Variants in CADM2 observed in about 807,000 individuals in gnomAD.
CADM2 encodes immunoglobulin superfamily member 4D.
A neutral mutation model predicts 49.8 loss-of-function variants in CADM2; 12 were observed. The observed-to-expected ratio is 0.24, with a 90% CI of 0.15 to 0.39. The LOEUF is 0.39. Among genes scored for constraint, CADM2 ranks in the 10% least tolerant of loss-of-function variants. The pLI is 1.00. For missense variants in CADM2, 378 were observed against 492.3 expected (o/e 0.77, Z 2.20); for synonymous variants, 214 against 175.4 (o/e 1.22, Z -1.74).
chr3:85,830,864 G>T (rs2074152324), intron 3 of CADM2, among the ~76,000 whole-genome samples: 1 of 149,630 alleles, frequency 6.7e-6, no homozygotes, highest in Admixed American at 6.7e-5. Context: ...ACAGGCCCAG[G>T]GGGTACATGT....
intron 1 of CADM2, among the ~76,000 whole-genome samples, chr3:85,450,571 G>A (rs773196822): frequency 2.4e-4 from 36 of 151,750 alleles, no homozygotes; most frequent in Non-Finnish European, 4.9e-4. Flanking sequence ...ATTTTTACAA[G>A]TTATATTTTC....
At chr3:85,034,953 C>T (rs1340394894) in intron 1 of CADM2, among the ~76,000 whole-genome samples, 1 of 151,842 alleles carries the variant, frequency 6.6e-6, no homozygotes, top group African/African-American at 2.4e-5. Context: ...CAATTGCCCA[C>T]CACCACACCG....
intron 1 of CADM2, among the ~76,000 whole-genome samples, chr3:85,505,037 C>G (rs940587204): frequency 1.4e-4 from 21 of 152,250 alleles, no homozygotes; most frequent in African/African-American, 3.1e-4. Context: ...CGCGCAGCCC[C>G]GGTTCCCGCT....
At chr3:85,127,579 A>G (rs959158597) in intron 1 of CADM2, among the ~76,000 whole-genome samples, 2 of 152,204 alleles carry the variant, frequency 1.3e-5, no homozygotes, top group African/African-American at 4.8e-5. Context: ...TTAATAATTT[A>G]TTTATACTTC....
intron 2 of CADM2, among the ~76,000 whole-genome samples, chr3:85,784,248 T>A (rs1463480756): frequency 6.6e-6 from 1 of 152,228 alleles, no homozygotes. Context: ...TAGCTTCCGA[T>A]GATTTATTTA....
At chr3:85,287,303 TACTG>T (rs2043657756) in intron 1 of CADM2, among the ~76,000 whole-genome samples, 1 of 151,976 alleles carries the variant, frequency 6.6e-6, no homozygotes, top group Non-Finnish European at 1.5e-5. Flanking sequence ...AAGTTGGCCA[TACTG>T]ACTGTTTGTG....
At chr3:85,080,804 G>A (rs1389086722) in intron 1 of CADM2, among the ~76,000 whole-genome samples, 1 of 151,442 alleles carries the variant, frequency 6.6e-6, no homozygotes, top group African/African-American at 2.4e-5. Context: ...TTTTCAAGTA[G>A]TTTAAATTAT....
intron 1 of CADM2, among the ~76,000 whole-genome samples, chr3:84,962,698 T>C (rs2030654171): frequency 6.6e-6 from 1 of 151,962 alleles, no homozygotes; most frequent in Non-Finnish European, 1.5e-5. Flanking sequence ...CATTAGCTTC[T>C]TTTTTTTAGC....
At chr3:85,049,156 A>G (rs1443812876) in intron 1 of CADM2, among the ~76,000 whole-genome samples, 4 of 152,152 alleles carry the variant, frequency 2.6e-5, no homozygotes, top group Non-Finnish European at 5.9e-5. Flanking sequence ...CATTTAGATC[A>G]TTAGCGATCT....
chr3:85,670,250 T>A (rs576564484), intron 1 of CADM2, among the ~76,000 whole-genome samples: 1 of 152,310 alleles, frequency 6.6e-6, no homozygotes, highest in South Asian at 2.1e-4. Context: ...ATTCTTGCTA[T>A]AATTAAAAAT....
chr3:85,253,652 C>T (rs548379019), intron 1 of CADM2, among the ~76,000 whole-genome samples: 6 of 152,130 alleles, frequency 3.9e-5, no homozygotes, highest in Non-Finnish European at 2.9e-5. Context: ...CCAAGTTTGT[C>T]GCATCCTTCT....
intron 1 of CADM2, among the ~76,000 whole-genome samples, chr3:84,975,795 C>A (rs949013527): frequency 2.0e-5 from 3 of 151,832 alleles, no homozygotes; most frequent in African/African-American, 7.2e-5. Context: ...TGTCATCTTA[C>A]AATGTAGAGA....
rs1485341916 is a variant in CADM2, at chr3:85,013,610, C to T, written c.61+53942C>T. Among the ~76,000 whole-genome samples the T allele has an allele frequency of 2.0e-5, 3 of 151,216 alleles. No homozygotes were observed. The East Asian group carries it at 5.8e-4, about 29-fold the overall frequency. ...AATAACAATTGTAGCTAACAAAATC[C>T]TTTAAAGATATGAATTACTAATTTC... is the stretch of plus-strand genomic sequence containing the variant. On this transcript the variant is annotated intron_variant, in intron 1 of 9. Transcript: ENST00000383699.
intron 7 of CADM2, among the ~76,000 whole-genome samples, chr3:85,959,176 C>A (rs1214981663): frequency 6.6e-6 from 1 of 151,086 alleles, no homozygotes; most frequent in Non-Finnish European, 1.5e-5. Flanking sequence ...CTCTCTCTGT[C>A]TCACAAAGGC....
At chr3:85,451,729 A>T (rs961252988) in intron 1 of CADM2, among the ~76,000 whole-genome samples, 3 of 152,144 alleles carry the variant, frequency 2.0e-5, no homozygotes, top group African/African-American at 7.2e-5. Flanking sequence ...AGATGCCTTT[A>T]AAATGACATT....
chr3:85,285,430 G>C (rs2043610342), intron 1 of CADM2, among the ~76,000 whole-genome samples: 1 of 152,066 alleles, frequency 6.6e-6, no homozygotes, highest in Non-Finnish European at 1.5e-5. Flanking sequence ...TTTAAAATAT[G>C]TCTAAATGAT....
In CADM2 at chr3:85,564,285, A is replaced by T. The variant is rs148573684; in HGVS notation, c.62-162237A>T. On this transcript the variant is annotated intron_variant, in intron 1 of 9. Transcript: ENST00000383699. Reference sequence around the variant, plus strand: ...GTGTACAATTTTGTGGCATTAAGTAACATTGAACATTGTTATACAATGCAT... The same window carrying T: ...GTGTACAATTTTGTGGCATTAAGTATCATTGAACATTGTTATACAATGCAT... Among the ~76,000 whole-genome samples, 508 of 152,220 alleles carry T rather than the reference A, an allele frequency of 3.3e-3. 2 individuals carry two copies. The highest frequency in any genetic ancestry group is 4.6e-3 in the Non-Finnish European group (314 of 67,968).
intron 1 of CADM2, among the ~76,000 whole-genome samples, chr3:85,495,732 G>A (rs757632885): frequency 6.6e-4 from 100 of 151,964 alleles, no homozygotes; most frequent in Non-Finnish European, 2.1e-4. Flanking sequence ...GTGGGAGCAT[G>A]CATGTCACAT....
At chr3:85,021,261 G>C (rs1033624782) in intron 1 of CADM2, among the ~76,000 whole-genome samples, 3 of 152,038 alleles carry the variant, frequency 2.0e-5, no homozygotes, top group African/African-American at 7.2e-5. Context: ...ACAGATTCTT[G>C]CTTTTCATTT....
Sources: gnomAD v4.1 joint callset for allele counts (sites outside exome capture counted in the v4.1 genomes callset) on GRCh38, gnomAD v4.1.1 for gene constraint, MANE v1.5 for transcripts, NCBI Gene and HGNC (gene_info 2026-07-23, HGNC 2026-07-21) for gene names.